Variants in MMP26 observed in about 807,000 individuals in gnomAD.
MMP26 encodes matrix metallopeptidase 26, also known as matrix metalloproteinase-26.
A neutral mutation model predicts 31.0 loss-of-function variants in MMP26; 33 were observed. That is an observed-to-expected ratio of 1.06 (90% CI 0.81 to 1.42). The LOEUF (loss-of-function observed/expected upper bound fraction) is 1.42, where lower values mean the gene tolerates loss of function less well. Ranked by LOEUF, MMP26 falls within the 40% of genes most tolerant of loss-of-function variation. MMP26 has a pLI of 0.00. For missense variants in MMP26, 347 were observed against 316.1 expected (o/e 1.10, Z -0.74); for synonymous variants, 122 against 114.9 (o/e 1.06, Z -0.40).
intron 2 of MMP26, chr11:4,770,080 A>G: frequency 1.7e-6 from 1 of 586,918 alleles, no homozygotes; most frequent in Non-Finnish European, 3.1e-6. Context: ...AAATTAAATT[A>G]TAATGTTCAT....
At chr11:4,839,036 T>C (rs1346823251) in intron 2 of MMP26, among the ~76,000 whole-genome samples, 5 of 152,100 alleles carry the variant, frequency 3.3e-5, no homozygotes, top group Non-Finnish European at 7.4e-5. Flanking sequence ...GAAATTCTGA[T>C]GCATTAAACT....
chr11:4,944,168 C>A (rs72858196), intron 2 of MMP26: 50,341 of 439,294 alleles, frequency 0.11, 3,165 homozygotes, highest in Middle Eastern at 0.18. Context: ...ACAGTTCTTG[C>A]CCTGATCTGA....
At position 4,924,141 on chromosome 11, in the gene MMP26, T is replaced by A. The variant is rs758185770; in HGVS notation, c.-144-63927T>A. On this transcript the variant is annotated intron_variant, in intron 2 of 7. Coordinates refer to ENST00000380390, the MANE Select transcript of MMP26 (RefSeq NM_021801.5). ...AGGCCTAAGTCTGTGACAGCTAGCA[T>A]GCCCAAGAAATAGTACATGGGTCCA... 7 of 1,614,046 alleles carry A rather than the reference T, an allele frequency of 4.3e-6. No individual in the cohort carries two copies. The Admixed American group carries it at 1.2e-4, about 27-fold the overall frequency.
intron 2 of MMP26, among the ~76,000 whole-genome samples, chr11:4,814,244 A>G (rs1380790433): frequency 6.6e-6 from 1 of 152,208 alleles, no homozygotes; most frequent in Non-Finnish European, 1.5e-5. Context: ...TTTCACTTTT[A>G]GTTGCATACT....
At chr11:4,777,182 C>A (rs2133428378) in intron 2 of MMP26, among the ~76,000 whole-genome samples, 1 of 152,262 alleles carries the variant, frequency 6.6e-6, no homozygotes, top group Non-Finnish European at 1.5e-5. Flanking sequence ...GGCATAGTAA[C>A]CTCATTTACT....
chr11:4,915,259 C>A, intron 2 of MMP26: 2 of 1,613,904 alleles, frequency 1.2e-6, no homozygotes, highest in Non-Finnish European at 8.5e-7. Flanking sequence ...AAACATAGTG[C>A]AAGGGGTGGC....
intron 2 of MMP26, chr11:4,923,759 A>T: frequency 6.2e-7 from 1 of 1,613,990 alleles, no homozygotes; most frequent in South Asian, 1.1e-5. Flanking sequence ...ATTGACAATG[A>T]TGCTAGAGCA....
intron 2 of MMP26, among the ~76,000 whole-genome samples, chr11:4,971,821 G>T (rs1316460484): frequency 6.6e-6 from 1 of 152,116 alleles, no homozygotes; most frequent in Admixed American, 6.5e-5. Context: ...AAGGGAGAAG[G>T]TATCACAGGC....
chr11:4,906,646 C>T (rs1461860721), intron 2 of MMP26, among the ~76,000 whole-genome samples: 1 of 152,166 alleles, frequency 6.6e-6, no homozygotes, highest in Admixed American at 6.5e-5. Flanking sequence ...TTCTTTCAAA[C>T]TTTCTACATA....
chr11:4,860,205 C>T (rs1174177130), intron 2 of MMP26: 9 of 470,870 alleles, frequency 1.9e-5, no homozygotes, highest in Non-Finnish European at 4.0e-5. Context: ...TGTCAAAGGC[C>T]ATGGACACTA....
At position 4,968,482 on chromosome 11, in the gene MMP26, T is replaced by TA. The variant is rs529271413; in HGVS notation, c.-144-19577dup. Reference sequence around the variant, plus strand: ...TTTGGAAAGGCAACATTTTCAAAAATAAAAAAAAAGAGTTATTTTAAAAGT... The same window carrying TA: ...TTTGGAAAGGCAACATTTTCAAAAATAAAAAAAAAAGAGTTATTTTAAAAGT... On this transcript the variant is annotated intron_variant, in intron 2 of 7. Transcript: ENST00000380390. Among the ~76,000 whole-genome samples, 347 of 150,508 alleles carry TA rather than the reference T, an allele frequency of 2.3e-3. 2 individuals are homozygous for TA. Among genetic ancestry groups the TA allele is most frequent in the African/African-American group, 7.1e-3 (293 of 41,132 alleles).
At chr11:4,878,908 G>A (rs532431884) in intron 2 of MMP26, among the ~76,000 whole-genome samples, 17 of 152,084 alleles carry the variant, frequency 1.1e-4, no homozygotes, top group African/African-American at 3.4e-4. Flanking sequence ...TGACTCATAC[G>A]TATATAGTGA....
chr11:4,904,980 C>T lies in MMP26; in HGVS notation c.-144-83088C>T, dbSNP rs376998846. On this transcript the variant is annotated intron_variant, in intron 2 of 7. Coordinates refer to ENST00000380390, the MANE Select transcript of MMP26 (RefSeq NM_021801.5). ...AGGGTAGGGTTACATGAAAGTAGTACGTTATAAAACACTGCAGAATCTTCC... is the reference window on the plus strand; with the variant it reads ...AGGGTAGGGTTACATGAAAGTAGTATGTTATAAAACACTGCAGAATCTTCC... Among the ~76,000 whole-genome samples the T allele has an allele frequency of 4.6e-5, 7 of 152,024 alleles. No homozygotes were observed. In the South Asian group the frequency reaches 8.3e-4, roughly 18 times the overall value.
chr11:4,851,735 G>A (rs996349925), intron 2 of MMP26, among the ~76,000 whole-genome samples: 1 of 151,862 alleles, frequency 6.6e-6, no homozygotes, highest in Non-Finnish European at 1.5e-5. Context: ...CTGGAATTAA[G>A]TTAATATTAT....
chr11:4,964,697 A>G (rs11034931), intron 2 of MMP26, among the ~76,000 whole-genome samples: 72,766 of 152,014 alleles, frequency 0.48, 18,584 homozygotes, highest in South Asian at 0.64. Context: ...GACTGGATAA[A>G]GAAACTGTGG....
intron 2 of MMP26, among the ~76,000 whole-genome samples, chr11:4,797,070 CAAAT>C (rs1186031746): frequency 6.6e-6 from 1 of 152,004 alleles, no homozygotes; most frequent in Non-Finnish European, 1.5e-5. Context: ...ATTCATGTAA[CAAAT>C]AAACTTGTCA....
intron 2 of MMP26, among the ~76,000 whole-genome samples, chr11:4,831,014 CT>C (rs1264805750): frequency 2.6e-5 from 4 of 152,258 alleles, no homozygotes; most frequent in South Asian, 4.1e-4. Context: ...ACATATAACA[CT>C]AAGCCTGCCT....
intron 2 of MMP26, among the ~76,000 whole-genome samples, chr11:4,833,894 A>G (rs16906747): frequency 6.6e-6 from 1 of 152,068 alleles, no homozygotes. Flanking sequence ...TGATGCATAT[A>G]TCTCTCTCAC....
At chr11:4,821,369 AT>A (rs941116196) in intron 2 of MMP26, 1 of 1,588,846 alleles carries the variant, frequency 6.3e-7, no homozygotes, top group Non-Finnish European at 8.6e-7. Flanking sequence ...TAAACTATGT[AT>A]TATGTGTTAT....
Sources: allele counts gnomAD v4.1 joint callset (sites outside exome capture counted in the v4.1 genomes callset), GRCh38; gene constraint gnomAD v4.1.1; transcripts MANE v1.5; gene names NCBI Gene and HGNC (gene_info 2026-07-23, HGNC 2026-07-21).